The following LDHC variants were observed in gnomAD, a reference collection of about 807,000 sequenced individuals.
LDHC encodes L-lactate dehydrogenase C chain.
A neutral mutation model predicts 30.2 loss-of-function variants in LDHC; 20 were observed. The ratio of observed to expected loss-of-function variants is 0.66; its 90% CI spans 0.47 to 0.96. LDHC has a LOEUF of 0.96. Ranked by LOEUF, LDHC falls within the 40% of genes least tolerant of loss-of-function variation. The pLI, the probability that LDHC is intolerant of heterozygous loss-of-function variation, is 0.00. For missense variants in LDHC, 362 were observed against 394.9 expected, an observed-to-expected ratio of 0.92 and a Z score of 0.71; for synonymous variants, 139 against 132.7, an observed-to-expected ratio of 1.05 and a Z score of -0.32.
At chr11:18,441,501 G>T (rs1377487486) in intron 6 of LDHC, among the ~76,000 whole-genome samples, 2 of 151,640 alleles carry the variant, frequency 1.3e-5, no homozygotes, top group African/African-American at 2.4e-5. Flanking sequence ...TAGAAACGGG[G>T]TTTCACCATG....
intron 3 of LDHC, among the ~76,000 whole-genome samples, chr11:18,428,714 A>C (rs1238432100): frequency 6.6e-6 from 1 of 151,996 alleles, no homozygotes; most frequent in African/African-American, 2.4e-5. Flanking sequence ...GTCTCTACCA[A>C]AAAATAAAAA....
At chr11:18,432,686 T>C (rs533054214) in intron 4 of LDHC, among the ~76,000 whole-genome samples, 5 of 152,232 alleles carry the variant, frequency 3.3e-5, no homozygotes, top group Admixed American at 6.5e-5. Flanking sequence ...TATTTTCCTG[T>C]TGGACAAGGC....
At chr11:18,429,391 G>A (rs1051645340) in intron 3 of LDHC, among the ~76,000 whole-genome samples, 9 of 152,096 alleles carry the variant, frequency 5.9e-5, no homozygotes, top group Non-Finnish European at 1.0e-4. Context: ...GATTACAGGC[G>A]TGAGCCACTG....
At chr11:18,434,935 T>G in intron 5 of LDHC, 22 bp downstream of exon 5, 2 of 1,519,922 alleles carry the variant, frequency 1.3e-6, no homozygotes, top group Non-Finnish European at 1.8e-6. Context: ...TCTATTATTA[T>G]TACGTGACTA....
chr11:18,450,881 G>A, intron 7 of LDHC, 82 bp from the exon 8 acceptor site: 4 of 1,032,220 alleles, frequency 3.9e-6, no homozygotes, highest in East Asian at 2.5e-5. Flanking sequence ...AGTCTCTCCT[G>A]TATACTCTCA....
intron 6 of LDHC, among the ~76,000 whole-genome samples, chr11:18,440,349 A>G (rs1462805053): frequency 6.6e-6 from 1 of 152,046 alleles, no homozygotes; most frequent in Non-Finnish European, 1.5e-5. Context: ...AAATAAAATA[A>G]TAAAACAAAA....
At chr11:18,432,649 T>C (rs879423363) in intron 4 of LDHC, among the ~76,000 whole-genome samples, 10 of 152,356 alleles carry the variant, frequency 6.6e-5, no homozygotes, top group Admixed American at 3.9e-4. Context: ...GCTCCATTGT[T>C]AGGTGCATAT....
intron 7 of LDHC, among the ~76,000 whole-genome samples, chr11:18,447,483 G>A (rs1279115161): frequency 6.6e-6 from 1 of 152,090 alleles, no homozygotes; most frequent in African/African-American, 2.4e-5. Context: ...GTAGGATAAC[G>A]GGAGTGGGAG....
intron 3 of LDHC, among the ~76,000 whole-genome samples, chr11:18,426,029 ATT>A (rs35064545): frequency 9.3e-4 from 124 of 133,798 alleles, no homozygotes; most frequent in Admixed American, 9.4e-4. Flanking sequence ...ATTAGCCACA[ATT>A]TTTTTTTTTT....
chr11:18,428,690 C>T (rs1272001787), intron 3 of LDHC, among the ~76,000 whole-genome samples: 1 of 151,876 alleles, frequency 6.6e-6, no homozygotes, highest in East Asian at 1.9e-4. Flanking sequence ...GCCTGGCCAA[C>T]ATGGTGAAAC....
chr11:18,439,811 T>TAACAA (rs1848426347), intron 6 of LDHC, among the ~76,000 whole-genome samples: 1 of 64,192 alleles, frequency 1.6e-5, no homozygotes, highest in Non-Finnish European at 2.7e-5. Flanking sequence ...CCGTCTCTAC[T>TAACAA]AAAAAAAAAA....
At chr11:18,437,521 G>A (rs546719810) in intron 5 of LDHC, among the ~76,000 whole-genome samples, 19 of 152,084 alleles carry the variant, frequency 1.2e-4, no homozygotes, top group African/African-American at 4.3e-4. Context: ...GGGAGGCTGA[G>A]GTGGACGGAT....
chr11:18,451,089 G>A lies in LDHC; in HGVS notation c.961G>A (p.Glu321Lys). ...EEEALFKKSAETLWNIQKDLI... is the reference protein window; with the variant it reads ...EEEALFKKSAKTLWNIQKDLI... ...GGAGGCCCTTTTCAAGAAGAGTGCA[G>A]AAACACTTTGGAATATTCAAAAGGA... The change falls in exon 8 of 8, where the codon GAA (glutamate) becomes AAA (lysine). Residue 321 changes from glutamate (E) to lysine (K), a missense_variant. Coordinates refer to ENST00000541669, the MANE Select transcript of LDHC (RefSeq NM_017448.5). The A allele has an allele frequency of 6.4e-7, 1 of 1,566,496 alleles. No homozygotes were observed. Among genetic ancestry groups the A allele is most frequent in the Non-Finnish European group, 8.6e-7 (1 of 1,163,590 alleles).
At chr11:18,415,075 C>A in intron 2 of LDHC, 109 bp from the exon 3 acceptor site, 1 of 590,312 alleles carries the variant, frequency 1.7e-6, no homozygotes, top group Non-Finnish European at 3.0e-6. Flanking sequence ...TCATTTTTCC[C>A]TATTAAAATA....
chr11:18,421,086 A>G (rs147755247), intron 3 of LDHC, among the ~76,000 whole-genome samples: 5 of 152,066 alleles, frequency 3.3e-5, no homozygotes, highest in East Asian at 1.9e-4. Flanking sequence ...ACAAAGTCTC[A>G]CACTGTCACC....
At position 18,434,836 on chromosome 11, in the gene LDHC, A is replaced by G; in HGVS notation, c.515A>G (p.Tyr172Cys). The part of the protein sequence containing the change: ...GCNLDSARFR[Y>C]LIGEKLGVHP... ...AATCTAGACTCTGCCCGTTTCCGTT[A>G]CCTAATTGGAGAAAAGTTGGGTGTC... Residue 172 changes from tyrosine to cysteine, a missense_variant, in exon 5 of 8, where the codon TAC becomes TGC. Coordinates refer to ENST00000541669, the MANE Select transcript of LDHC (RefSeq NM_017448.5). 6.2e-7 allele frequency: 1 copy of G among 1,612,740 alleles called. No homozygotes were observed. The highest frequency in any genetic ancestry group is 8.5e-7 in the Non-Finnish European group (1 of 1,178,774).
At chr11:18,431,863 T>C (rs1382932846) in intron 4 of LDHC, among the ~76,000 whole-genome samples, 1 of 152,202 alleles carries the variant, frequency 6.6e-6, no homozygotes. Flanking sequence ...TCTCTTCTTT[T>C]CTTGGTTAAT....
intron 4 of LDHC, among the ~76,000 whole-genome samples, chr11:18,432,921 T>C (rs1848293748): frequency 6.6e-6 from 1 of 152,222 alleles, no homozygotes; most frequent in African/African-American, 2.4e-5. Flanking sequence ...TTCTTTATCT[T>C]TTAAGTGGAG....
At chr11:18,429,683 G>A in intron 3 of LDHC, 54 bp from the exon 4 acceptor site, 1 of 1,046,008 alleles carries the variant, frequency 9.6e-7, no homozygotes, top group East Asian at 2.4e-5. Flanking sequence ...AGGAGTTAAG[G>A]CACAGTGGTT....
Sources: gnomAD v4.1 joint callset for allele counts (sites outside exome capture counted in the v4.1 genomes callset) on GRCh38, gnomAD v4.1.1 for gene constraint, MANE v1.5 for transcripts, NCBI Gene and HGNC (gene_info 2026-07-23, HGNC 2026-07-21) for gene names.